Variants in ZNF131 observed in about 807,000 individuals in gnomAD.
ZNF131 encodes the protein zinc finger and BTB domain containing 35.
Under a neutral mutation model 60.0 loss-of-function variants are expected in ZNF131, and 7 were observed. That is an observed-to-expected ratio of 0.12 (90% CI 0.07 to 0.22). The LOEUF is 0.22. ZNF131 is among the 10% of genes least tolerant of loss of function. ZNF131 has a pLI of 1.00. For synonymous variants in ZNF131, 257 were observed against 253.2 expected (o/e 1.01, Z -0.14); for missense variants, 493 against 740.9 (o/e 0.67, Z 3.88).
chr5:43,124,836 G>A (rs1296299917), intron 3 of ZNF131: 3 of 151,884 alleles, frequency 2.0e-5, no homozygotes, highest in Admixed American at 6.6e-5. Context: ...TCCAGTCTAA[G>A]AAACATTAGG....
chr5:43,167,342 T>G (rs1750492234), intron 5 of ZNF131, among the ~76,000 whole-genome samples: 1 of 152,164 alleles, frequency 6.6e-6, no homozygotes, highest in African/African-American at 2.4e-5. Context: ...GTCACAAATC[T>G]TCAGTTTTTC....
intron 3 of ZNF131, among the ~76,000 whole-genome samples, chr5:43,135,348 G>A (rs1249606020): frequency 6.6e-6 from 1 of 152,072 alleles, no homozygotes; most frequent in Non-Finnish European, 1.5e-5. Flanking sequence ...GAAATTAGGA[G>A]AACAATCCCA....
intron 1 of ZNF131, 67 bp from the exon 2 acceptor site, chr5:43,121,972 A>G (rs1579683101): frequency 2.0e-6 from 3 of 1,489,666 alleles, no homozygotes; most frequent in Middle Eastern, 2.0e-4. Flanking sequence ...TTGTTGTTTT[A>G]TGCTTTAGGG....
intron 4 of ZNF131, among the ~76,000 whole-genome samples, chr5:43,140,634 G>A (rs150520561): frequency 7.0e-4 from 106 of 152,278 alleles, no homozygotes; most frequent in African/African-American, 2.5e-3. Context: ...TTCACATAGC[G>A]GCACAATGAT....
intron 5 of ZNF131, among the ~76,000 whole-genome samples, chr5:43,165,205 C>CTT (rs142657870): frequency 6.5e-5 from 9 of 137,814 alleles, no homozygotes; most frequent in African/African-American, 2.1e-4. Flanking sequence ...CCCTGTATTT[C>CTT]TTTTTTTTTT....
intron 5 of ZNF131, among the ~76,000 whole-genome samples, chr5:43,165,904 C>T (rs1406029373): frequency 6.6e-6 from 1 of 152,240 alleles, no homozygotes; most frequent in African/African-American, 2.4e-5. Flanking sequence ...CATCAGTGAT[C>T]TTAACTAGGT....
chr5:43,168,996 C>T (rs186040452), intron 5 of ZNF131, among the ~76,000 whole-genome samples: 22 of 152,266 alleles, frequency 1.4e-4, no homozygotes, highest in Non-Finnish European at 1.5e-5. Flanking sequence ...GACAGATACA[C>T]CTGTGGGACA....
At chr5:43,169,507 A>G (rs536678847) in intron 5 of ZNF131, among the ~76,000 whole-genome samples, 44 of 152,350 alleles carry the variant, frequency 2.9e-4, no homozygotes, top group Middle Eastern at 3.4e-3. Context: ...CTTTTGGGAA[A>G]ACAAGCGAGC....
chr5:43,173,196 G>A (rs1751214266), intron 5 of ZNF131, 122 bp from the exon 6 acceptor site: 3 of 1,044,938 alleles, frequency 2.9e-6, no homozygotes, highest in Non-Finnish European at 4.0e-6. Context: ...ATTCTGAATT[G>A]TGATTTCTCC....
chr5:43,132,295 T>G (rs982725608), intron 3 of ZNF131, among the ~76,000 whole-genome samples: 1 of 152,156 alleles, frequency 6.6e-6, no homozygotes, highest in African/African-American at 2.4e-5. Flanking sequence ...AAAACTAGCC[T>G]TCAGTGAGTC....
At chr5:43,136,506 T>TTTTTG (rs1746115498) in intron 3 of ZNF131, among the ~76,000 whole-genome samples, 3 of 125,106 alleles carry the variant, frequency 2.4e-5, no homozygotes, top group Admixed American at 8.0e-5. Context: ...TTTTTTTTTT[T>TTTTTG]GAGGTAGTCT....
At chr5:43,162,611 G>A (rs866104355) in intron 5 of ZNF131, among the ~76,000 whole-genome samples, 1,999 of 94,658 alleles carry the variant, frequency 0.021, 30 homozygotes, top group Middle Eastern at 0.043. Flanking sequence ...AAAAAGAAAA[G>A]AAAAAAAAGC....
chr5:43,136,252 C>T (rs1258363072), intron 3 of ZNF131, among the ~76,000 whole-genome samples: 2 of 152,248 alleles, frequency 1.3e-5, no homozygotes, highest in African/African-American at 4.8e-5. Flanking sequence ...GCAAATATTT[C>T]AAAATCCAAA....
intron 5 of ZNF131, among the ~76,000 whole-genome samples, chr5:43,164,278 T>C (rs1220818371): frequency 6.6e-6 from 1 of 152,184 alleles, no homozygotes; most frequent in Non-Finnish European, 1.5e-5. Context: ...CAGGGCCGGC[T>C]GCAGGACTTG....
intron 2 of ZNF131, 69 bp downstream of exon 2, chr5:43,122,246 C>CT (rs35497367): frequency 0.026 from 26,245 of 1,025,278 alleles, 56 homozygotes; most frequent in East Asian, 0.039. Context: ...GGACACCCGC[C>CT]TTTTTTTTTT....
intron 3 of ZNF131, among the ~76,000 whole-genome samples, chr5:43,125,622 A>AATATAAAAT (rs1744440135): frequency 6.6e-6 from 1 of 151,856 alleles, no homozygotes. Context: ...CTCTACTAAA[A>AATATAAAAT]ATATAAAATT....
chr5:43,147,104 A>G (rs1053239998), intron 4 of ZNF131, among the ~76,000 whole-genome samples: 1 of 151,946 alleles, frequency 6.6e-6, no homozygotes, highest in African/African-American at 2.4e-5. Context: ...GACTTTATTT[A>G]CCTTAGCATT....
In ZNF131 at chr5:43,123,329, T is replaced by A. The variant is rs192083508; in HGVS notation, c.226+19T>A. ...ATAGAAGGTAAATGATTCTTGTTGT[T>A]TTTTTATTTAATAAATCAAAGAAGC... On this transcript the variant is annotated intron_variant, in intron 3 of 6. Coordinates refer to ENST00000682664, the MANE Select transcript of ZNF131 (RefSeq NM_001330707.2). 406 of 1,568,426 alleles carry A rather than the reference T, an allele frequency of 2.6e-4. 1 individual carries two copies. The African/African-American group carries it at 4.9e-3, about 19-fold the overall frequency.
intron 3 of ZNF131, among the ~76,000 whole-genome samples, chr5:43,127,180 G>T (rs1187982715): frequency 6.6e-6 from 1 of 152,076 alleles, no homozygotes; most frequent in Non-Finnish European, 1.5e-5. Context: ...CTAGAACTGG[G>T]ACCCCGTCCC....
Sources: gnomAD v4.1 joint callset for allele counts (sites outside exome capture counted in the v4.1 genomes callset) on GRCh38, gnomAD v4.1.1 for gene constraint, MANE v1.5 for transcripts, NCBI Gene and HGNC (gene_info 2026-07-23, HGNC 2026-07-21) for gene names.